Variants in ARL6IP6 observed in about 807,000 individuals in gnomAD.
ARL6IP6 encodes the protein ADP-ribosylation factor-like protein 6-interacting protein 6.
In ARL6IP6, 22 loss-of-function variants were observed where a neutral mutation model predicts 21.5. The observed-to-expected ratio is 1.02, with a 90% confidence interval of 0.73 to 1.46. The LOEUF (loss-of-function observed/expected upper bound fraction) is 1.46. Among genes scored for constraint, ARL6IP6 ranks in the 40% most tolerant of loss-of-function variants. The probability of loss-of-function intolerance (pLI) is 0.00; values close to 1 mark genes in which losing one functional copy is unlikely to be tolerated. For missense variants in ARL6IP6, 388 were observed against 299.8 expected, an observed-to-expected ratio of 1.29 and a Z score of -2.17; for synonymous variants, 164 against 125.3, an observed-to-expected ratio of 1.31 and a Z score of -2.06.
chr2:152,734,305 T>A (rs1700455040), intron 2 of ARL6IP6, among the ~76,000 whole-genome samples: 1 of 152,200 alleles, frequency 6.6e-6, no homozygotes, highest in Non-Finnish European at 1.5e-5. Context: ...CAACTTTTGT[T>A]CATATACTGA....
upstream of ARL6IP6, chr2:152,718,293 C>T: frequency 3.6e-6 from 1 of 279,998 alleles, no homozygotes; most frequent in Non-Finnish European, 6.2e-6. Flanking sequence ...CCGTTGGTGA[C>T]GCGGGGGTGG....
At chr2:152,751,306 A>G (rs575390477) in intron 3 of ARL6IP6, among the ~76,000 whole-genome samples, 3 of 152,228 alleles carry the variant, frequency 2.0e-5, no homozygotes, top group Non-Finnish European at 4.4e-5. Flanking sequence ...GCTAATTAGC[A>G]TATCCATCAC....
intron 2 of ARL6IP6, among the ~76,000 whole-genome samples, chr2:152,733,180 T>C (rs1315501636): frequency 6.6e-6 from 1 of 152,202 alleles, no homozygotes; most frequent in Non-Finnish European, 1.5e-5. Context: ...TTTTTGTAAG[T>C]GGTCACCCCA....
intron 2 of ARL6IP6, among the ~76,000 whole-genome samples, chr2:152,723,277 T>C (rs948056960): frequency 3.3e-5 from 5 of 152,240 alleles, no homozygotes; most frequent in Non-Finnish European, 7.3e-5. Flanking sequence ...AGTCATCCAT[T>C]ACGTTTGGGA....
chr2:152,743,159 T>C (rs982581687), intron 3 of ARL6IP6, among the ~76,000 whole-genome samples: 6 of 152,200 alleles, frequency 3.9e-5, no homozygotes, highest in African/African-American at 1.4e-4. Context: ...ACTTTAAGAC[T>C]GCACTCCACG....
intron 2 of ARL6IP6, among the ~76,000 whole-genome samples, chr2:152,723,672 A>G (rs185246573): frequency 2.5e-4 from 38 of 152,344 alleles, no homozygotes; most frequent in African/African-American, 9.1e-4. Context: ...GCAGTCAGTA[A>G]GAACAGATTA....
intron 2 of ARL6IP6, among the ~76,000 whole-genome samples, chr2:152,725,453 G>C (rs1465731426): frequency 6.6e-6 from 1 of 152,028 alleles, no homozygotes; most frequent in Non-Finnish European, 1.5e-5. Flanking sequence ...GCTAAGGGCA[G>C]ATGTGTATAC....
rs189296787 is a variant in ARL6IP6, at chr2:152,749,213, A to G, written c.588-10534A>G. On this transcript the variant is annotated intron_variant, in intron 3 of 3. Coordinates refer to ENST00000326446, the MANE Select transcript of ARL6IP6 (RefSeq NM_152522.7). ...CTAGACATTATATTTTCACAGAACA[A>G]AGTCTAGATATAAATAATGGAAGTC... Among the ~76,000 whole-genome samples the G allele has an allele frequency of 6.2e-3, 938 of 152,102 alleles. 4 individuals carry two copies. The highest frequency in any genetic ancestry group is 9.1e-3 in the Non-Finnish European group (622 of 67,996).
chr2:152,724,301 T>A (rs542742001), intron 2 of ARL6IP6, among the ~76,000 whole-genome samples: 1 of 152,296 alleles, frequency 6.6e-6, no homozygotes, highest in Admixed American at 6.5e-5. Flanking sequence ...AATGTTTCAG[T>A]AATTAACAAT....
intron 2 of ARL6IP6, among the ~76,000 whole-genome samples, chr2:152,724,137 C>T (rs1699927446): frequency 2.1e-5 from 3 of 145,414 alleles, no homozygotes; most frequent in Non-Finnish European, 3.0e-5. Flanking sequence ...AGAGAGAAAG[C>T]CAAAAAGGAC....
intron 2 of ARL6IP6, among the ~76,000 whole-genome samples, chr2:152,721,912 C>A (rs1699811099): frequency 6.6e-6 from 1 of 152,178 alleles, no homozygotes. Context: ...TTTTTAGTTA[C>A]TCATTTTATC....
At chr2:152,742,821 A>T (rs2105152648) in intron 3 of ARL6IP6, among the ~76,000 whole-genome samples, 1 of 152,248 alleles carries the variant, frequency 6.6e-6, no homozygotes, top group African/African-American at 2.4e-5. Context: ...CGTAGGTGTT[A>T]CTATTAGTCT....
intron 3 of ARL6IP6, among the ~76,000 whole-genome samples, chr2:152,739,597 C>T (rs1259355726): frequency 6.6e-6 from 1 of 152,158 alleles, no homozygotes; most frequent in East Asian, 1.9e-4. Flanking sequence ...CCCACATTTT[C>T]CTGTCTTCTT....
intron 2 of ARL6IP6, among the ~76,000 whole-genome samples, chr2:152,728,183 T>C (rs1186149252): frequency 1.3e-5 from 2 of 152,222 alleles, no homozygotes; most frequent in East Asian, 3.8e-4. Context: ...CATGACTGCA[T>C]TGTATTTCAT....
intron 3 of ARL6IP6, among the ~76,000 whole-genome samples, chr2:152,741,508 A>G (rs952550428): frequency 2.0e-5 from 3 of 152,136 alleles, no homozygotes; most frequent in African/African-American, 7.2e-5. Flanking sequence ...AGAGGAAGAA[A>G]AAAAGTAACA....
At position 152,718,733 on chromosome 2, in the gene ARL6IP6, T is replaced by G; in HGVS notation, c.109T>G (p.Trp37Gly). 1 of 1,610,632 alleles carries G rather than the reference T, an allele frequency of 6.2e-7. No individual in the cohort carries two copies. The highest frequency in any genetic ancestry group is 8.5e-7 in the Non-Finnish European group (1 of 1,178,532). The change falls in exon 1 of 4, where the codon TGG becomes GGG. Residue 37 changes from tryptophan to glycine, a missense_variant. Trp to Gly is a radical substitution (Grantham distance 184, BLOSUM62 -2). Transcript: ENST00000326446. Reference protein sequence around the residue: ...SYSSFTQGDSWGEGEVDEEEG... With the variant: ...SYSSFTQGDSGGEGEVDEEEG... Reference sequence around the variant, plus strand: ...TTCCTCCTTTACTCAGGGGGACAGCTGGGGTGAAGGCGAAGTCGACGAGGA... The same window carrying G: ...TTCCTCCTTTACTCAGGGGGACAGCGGGGGTGAAGGCGAAGTCGACGAGGA...
chr2:152,729,882 A>C (rs1700223402), intron 2 of ARL6IP6, among the ~76,000 whole-genome samples: 1 of 74,664 alleles, frequency 1.3e-5, no homozygotes. Context: ...ATTCTTTTTA[A>C]AGTTGTTAAT....
intron 2 of ARL6IP6, among the ~76,000 whole-genome samples, chr2:152,729,332 GTC>G (rs1000757549): frequency 5.9e-5 from 2 of 33,714 alleles, no homozygotes; most frequent in South Asian, 2.1e-3. Context: ...GCCAGACTTT[GTC>G]TGTGTGTGTG....
Position 152,718,742 on chromosome 2 carries a change from G to A in ARL6IP6, c.118G>A (p.Gly40Ser), listed in dbSNP as rs1456510592. 1 of 1,611,072 alleles carries A rather than the reference G, an allele frequency of 6.2e-7. No individual in the cohort carries two copies. Among genetic ancestry groups the A allele is most frequent in the East Asian group, 2.2e-5 (1 of 44,798 alleles). The stretch of plus-strand genomic sequence containing the variant: ...TACTCAGGGGGACAGCTGGGGTGAA[G>A]GCGAAGTCGACGAGGAGGAGGGATG... ...SFTQGDSWGE[G>S]EVDEEEGCDQ... Residue 40 changes from glycine (G) to serine (S), a missense_variant, in exon 1 of 4, where the codon GGC becomes AGC. Coordinates refer to ENST00000326446, the MANE Select transcript of ARL6IP6 (RefSeq NM_152522.7).
Sources: allele counts gnomAD v4.1 joint callset (sites outside exome capture counted in the v4.1 genomes callset), GRCh38; gene constraint gnomAD v4.1.1; transcripts MANE v1.5; gene names NCBI Gene and HGNC (gene_info 2026-07-23, HGNC 2026-07-21).